Variants in CACNB4 observed in about 807,000 individuals in gnomAD.
CACNB4 encodes voltage-dependent L-type calcium channel subunit beta-4.
In CACNB4, 32 loss-of-function variants were observed where a neutral mutation model predicts 71.2. That is an observed-to-expected ratio of 0.45 (90% CI 0.34 to 0.60). The LOEUF (loss-of-function observed/expected upper bound fraction) is 0.60, where lower values mean the gene tolerates loss of function less well. Ranked by LOEUF, CACNB4 falls within the 20% of genes least tolerant of loss-of-function variation. The pLI, the probability that CACNB4 is intolerant of heterozygous loss-of-function variation, is 0.01. For synonymous variants in CACNB4, 231 were observed against 236.9 expected (o/e 0.97, Z 0.23); for missense variants, 464 against 647.9 (o/e 0.72, Z 3.08).
chr2:151,949,731 C>A (rs371909354), intron 2 of CACNB4, among the ~76,000 whole-genome samples: 1 of 152,138 alleles, frequency 6.6e-6, no homozygotes, highest in Non-Finnish European at 1.5e-5. Flanking sequence ...AGGTAAATAA[C>A]ATGATCAGAT....
At chr2:152,088,960 ATTATTG>A (rs552122771) in intron 2 of CACNB4, among the ~76,000 whole-genome samples, 50 of 152,350 alleles carry the variant, frequency 3.3e-4, no homozygotes, top group African/African-American at 1.2e-3. Flanking sequence ...ACAGCTTGTC[ATTATTG>A]TTACTTGAAA....
intron 2 of CACNB4, among the ~76,000 whole-genome samples, chr2:152,085,648 G>T (rs79696277): frequency 0.013 from 1,956 of 152,084 alleles, 24 homozygotes; most frequent in Non-Finnish European, 0.022. Context: ...ACCCACACTT[G>T]GGTGTGGCAC....
At chr2:152,065,229 C>T (rs1686243671) in intron 2 of CACNB4, among the ~76,000 whole-genome samples, 1 of 151,726 alleles carries the variant, frequency 6.6e-6, no homozygotes, top group East Asian at 1.9e-4. Context: ...CTAACAATAC[C>T]AAAAATTAGC....
intron 2 of CACNB4, among the ~76,000 whole-genome samples, chr2:151,904,272 T>A (rs1578726181): frequency 6.6e-6 from 1 of 152,352 alleles, no homozygotes; most frequent in African/African-American, 2.4e-5. Context: ...TCACTATTTA[T>A]CTGCTGAAAT....
chr2:151,990,671 C>T (rs1681657414), intron 2 of CACNB4, among the ~76,000 whole-genome samples: 1 of 152,116 alleles, frequency 6.6e-6, no homozygotes, highest in African/African-American at 2.4e-5. Context: ...CATTCTGATC[C>T]CTTTTACCTT....
At chr2:151,994,569 T>C (rs939170430) in intron 2 of CACNB4, among the ~76,000 whole-genome samples, 4 of 152,074 alleles carry the variant, frequency 2.6e-5, no homozygotes, top group African/African-American at 9.6e-5. Context: ...TGGAGTGCAG[T>C]GGTACAATCT....
chr2:152,065,577 C>T (rs1686269752), intron 2 of CACNB4, among the ~76,000 whole-genome samples: 1 of 152,176 alleles, frequency 6.6e-6, no homozygotes, highest in Non-Finnish European at 1.5e-5. Flanking sequence ...GGACTTCACA[C>T]AGGACAAATT....
At position 151,860,782 on chromosome 2, in the gene CACNB4, G is replaced by A; in HGVS notation, c.797C>T (p.Ala266Val). Residue 266 changes from alanine to valine, a missense_variant, in exon 10 of 14, where the codon GCT becomes GTT. Coordinates refer to ENST00000539935, the MANE Select transcript of CACNB4 (RefSeq NM_000726.5). Reference sequence around the variant, plus strand: ...GGGATTATTTAGGACAGACCTCTTAGCAAGAGAAATGTCAGCTGTCACTCT... The same window carrying A: ...GGGATTATTTAGGACAGACCTCTTAACAAGAGAAATGTCAGCTGTCACTCT... ...ITRVTADISLAKRSVLNNPSK... is the reference protein window; with the variant it reads ...ITRVTADISLVKRSVLNNPSK... 1 of 1,613,410 alleles carries A rather than the reference G, an allele frequency of 6.2e-7. No homozygotes were observed.
At chr2:151,867,800 C>T (rs1201504871) in intron 9 of CACNB4, 1 of 152,204 alleles carries the variant, frequency 6.6e-6, no homozygotes, top group Non-Finnish European at 1.5e-5. Context: ...AGACATCGTA[C>T]CTGGGCTAAG....
intron 2 of CACNB4, among the ~76,000 whole-genome samples, chr2:151,899,380 C>T (rs1433544102): frequency 6.6e-6 from 1 of 152,066 alleles, no homozygotes; most frequent in Non-Finnish European, 1.5e-5. Context: ...AAGGAAGGTC[C>T]CTGGAATAAA....
chr2:151,973,906 C>A, intron 2 of CACNB4: 1 of 1,399,086 alleles, frequency 7.1e-7, no homozygotes, highest in Non-Finnish European at 9.3e-7. Context: ...GCAGTCCAGA[C>A]CTGGCATTTT....
chr2:152,071,391 G>C (rs542633972), intron 2 of CACNB4, among the ~76,000 whole-genome samples: 1 of 152,228 alleles, frequency 6.6e-6, no homozygotes, highest in Admixed American at 6.5e-5. Context: ...AGAAGATCTG[G>C]CAAACAGCCA....
chr2:151,956,651 A>G (rs934362279), intron 2 of CACNB4, among the ~76,000 whole-genome samples: 2 of 152,188 alleles, frequency 1.3e-5, no homozygotes, highest in African/African-American at 4.8e-5. Context: ...CCTGAATTGT[A>G]CACTTTAAAC....
At chr2:151,974,715 A>G (rs883157) in intron 2 of CACNB4, among the ~76,000 whole-genome samples, 140,779 of 151,696 alleles carry the variant, frequency 0.93, 65,615 homozygotes, top group Middle Eastern at 0.98. Context: ...GACTCCCTCC[A>G]CCTGCTGCTC....
intron 11 of CACNB4, among the ~76,000 whole-genome samples, chr2:151,854,698 C>T (rs1359333820): frequency 1.3e-5 from 2 of 152,212 alleles, no homozygotes; most frequent in East Asian, 3.8e-4. Context: ...GCAAATTTCC[C>T]ATTGTGCTTA....
chr2:152,050,224 A>G lies in CACNB4; in HGVS notation c.147+48106T>C, dbSNP rs16830669. Reference sequence around the variant, plus strand: ...AGAAAGTTTCCGGGTTCTCCCACACACAATTCAGCCCTCACTTTGCCTTCC... The same window carrying G: ...AGAAAGTTTCCGGGTTCTCCCACACGCAATTCAGCCCTCACTTTGCCTTCC... On this transcript the variant is annotated intron_variant, in intron 2 of 13. Coordinates refer to ENST00000539935, the MANE Select transcript of CACNB4 (RefSeq NM_000726.5). Among the ~76,000 whole-genome samples the G allele has an allele frequency of 5.9e-5, 9 of 152,288 alleles. No homozygotes were observed. The South Asian group carries it at 1.9e-3, about 32-fold the overall frequency.
intron 2 of CACNB4, among the ~76,000 whole-genome samples, chr2:152,059,880 G>A (rs116424098): frequency 1.5e-3 from 224 of 152,254 alleles, no homozygotes; most frequent in African/African-American, 5.0e-3. Context: ...TGGATCTTGG[G>A]GGTGGTTCCC....
chr2:152,082,903 A>G (rs897436955), intron 2 of CACNB4, among the ~76,000 whole-genome samples: 2 of 152,252 alleles, frequency 1.3e-5, no homozygotes, highest in Non-Finnish European at 2.9e-5. Flanking sequence ...TGAACTGTAC[A>G]CTAAAAAATG....
intron 2 of CACNB4, among the ~76,000 whole-genome samples, chr2:151,965,666 G>C (rs2099870895): frequency 1.3e-5 from 2 of 152,000 alleles, no homozygotes; most frequent in Non-Finnish European, 1.5e-5. Context: ...ATAATTTAAA[G>C]CAGAATTACC....
Sources: gnomAD v4.1 joint callset for allele counts (sites outside exome capture counted in the v4.1 genomes callset) on GRCh38, gnomAD v4.1.1 for gene constraint, MANE v1.5 for transcripts, NCBI Gene and HGNC (gene_info 2026-07-23, HGNC 2026-07-21) for gene names.